Variants in CACNA2D3 observed in about 807,000 individuals in gnomAD.
The protein encoded by CACNA2D3 is calcium voltage-gated channel auxiliary subunit alpha2delta 3, also known as voltage-dependent calcium channel subunit alpha-2/delta-3.
Under a neutral mutation model 160.6 loss-of-function variants are expected in CACNA2D3, and 60 were observed. The observed-to-expected ratio is 0.37, with a 90% CI of 0.30 to 0.46. The LOEUF is 0.46. Ranked by LOEUF, CACNA2D3 falls within the 20% of genes least tolerant of loss-of-function variation. The pLI is 1.00. For synonymous variants in CACNA2D3, 558 were observed against 492.9 expected (o/e 1.13, Z -1.75); for missense variants, 1,205 against 1,365.0 (o/e 0.88, Z 1.85).
chr3:54,830,509 C>T (rs1242346716), intron 14 of CACNA2D3, among the ~76,000 whole-genome samples: 1 of 149,924 alleles, frequency 6.7e-6, no homozygotes, highest in Non-Finnish European at 1.5e-5. Context: ...TGCACAATGG[C>T]ACGATATCGG....
At chr3:54,774,599 CCCAATATTATTTT>C (rs769990237) in intron 13 of CACNA2D3, among the ~76,000 whole-genome samples, 52 of 151,010 alleles carry the variant, frequency 3.4e-4, no homozygotes, top group Non-Finnish European at 6.5e-4. Context: ...AGGGGTTAAT[CCCAATATTATTTT>C]GACTTGCTCT....
chr3:54,979,630 C>T (rs1217869146), intron 29 of CACNA2D3, among the ~76,000 whole-genome samples: 2 of 152,204 alleles, frequency 1.3e-5, no homozygotes, highest in East Asian at 3.9e-4. Context: ...AATATTACTT[C>T]AGTTTTTTAT....
chr3:54,140,646 C>T (rs1180356755), intron 2 of CACNA2D3, among the ~76,000 whole-genome samples: 1 of 152,194 alleles, frequency 6.6e-6, no homozygotes, highest in African/African-American at 2.4e-5. Context: ...AGATCAGTGC[C>T]ACCACTTATT....
At chr3:54,847,570 C>T (rs923924947) in intron 17 of CACNA2D3, among the ~76,000 whole-genome samples, 8 of 152,158 alleles carry the variant, frequency 5.3e-5, no homozygotes, top group Admixed American at 1.3e-4. Context: ...TTGCTCTAAT[C>T]GCCCTGGTAT....
intron 2 of CACNA2D3, among the ~76,000 whole-genome samples, chr3:54,281,348 T>A (rs1261868889): frequency 1.3e-5 from 2 of 152,206 alleles, no homozygotes; most frequent in African/African-American, 4.8e-5. Flanking sequence ...TTTTCCACTG[T>A]GTATCCAGAT....
chr3:54,204,109 C>T (rs1701225901), intron 2 of CACNA2D3, among the ~76,000 whole-genome samples: 1 of 151,966 alleles, frequency 6.6e-6, no homozygotes, highest in African/African-American at 2.4e-5. Context: ...TTCTTTGGCC[C>T]TTGGATTGGG....
At chr3:54,462,484 G>A (rs1277657778) in intron 4 of CACNA2D3, among the ~76,000 whole-genome samples, 1 of 152,188 alleles carries the variant, frequency 6.6e-6, no homozygotes, top group East Asian at 1.9e-4. Context: ...ATATATTTAG[G>A]ATAGTTAGCT....
chr3:54,130,580 T>A (rs1311901387), intron 2 of CACNA2D3, among the ~76,000 whole-genome samples: 1 of 121,758 alleles, frequency 8.2e-6, no homozygotes, highest in East Asian at 3.3e-4. Context: ...AGCAACCTAA[T>A]GAGGTAGGGA....
chr3:54,612,589 A>T (rs1698766200), intron 9 of CACNA2D3, among the ~76,000 whole-genome samples: 1 of 152,190 alleles, frequency 6.6e-6, no homozygotes, highest in African/African-American at 2.4e-5. Flanking sequence ...TGATGGGAAT[A>T]ATGAATTCTT....
intron 2 of CACNA2D3, among the ~76,000 whole-genome samples, chr3:54,275,849 C>G (rs1234456037): frequency 6.6e-6 from 1 of 151,402 alleles, no homozygotes; most frequent in Non-Finnish European, 1.5e-5. Context: ...AACTCCTGAC[C>G]TCAGGTGATC....
At chr3:55,029,126 T>C (rs4505667) in intron 35 of CACNA2D3, among the ~76,000 whole-genome samples, 2,069 of 152,244 alleles carry the variant, frequency 0.014, 45 homozygotes, top group African/African-American at 0.046. Flanking sequence ...CCTGCAGGTG[T>C]TTCTACCAAG....
At chr3:54,524,557 T>C (rs1352836677) in intron 5 of CACNA2D3, among the ~76,000 whole-genome samples, 2 of 152,108 alleles carry the variant, frequency 1.3e-5, no homozygotes, top group African/African-American at 4.8e-5. Context: ...TGCCTAGTTG[T>C]TTTACTCTGT....
intron 11 of CACNA2D3, among the ~76,000 whole-genome samples, chr3:54,696,850 T>C (rs113546564): frequency 1.3e-5 from 2 of 152,352 alleles, no homozygotes; most frequent in African/African-American, 4.8e-5. Flanking sequence ...GTCTCTTGAC[T>C]CTTACAAGTC....
intron 5 of CACNA2D3, among the ~76,000 whole-genome samples, chr3:54,519,578 G>A (rs1442008406): frequency 1.3e-5 from 2 of 152,184 alleles, no homozygotes; most frequent in East Asian, 1.9e-4. Context: ...GCAACACAGC[G>A]GCAATGATAA....
intron 35 of CACNA2D3, among the ~76,000 whole-genome samples, chr3:55,045,248 C>T (rs1215574242): frequency 6.6e-6 from 1 of 152,168 alleles, no homozygotes; most frequent in East Asian, 1.9e-4. Context: ...TGGGGTTTCA[C>T]CATGCTGGCT....
intron 27 of CACNA2D3, among the ~76,000 whole-genome samples, chr3:54,967,601 C>T (rs1244284513): frequency 6.6e-6 from 1 of 152,062 alleles, no homozygotes; most frequent in Non-Finnish European, 1.5e-5. Flanking sequence ...TTCAGTATTC[C>T]CTGTAGTCTC....
intron 13 of CACNA2D3, among the ~76,000 whole-genome samples, chr3:54,813,685 A>G (rs997813229): frequency 2.6e-5 from 4 of 152,036 alleles, no homozygotes; most frequent in African/African-American, 9.7e-5. Flanking sequence ...TCACACGTAC[A>G]TATGGGGAAG....
intron 14 of CACNA2D3, among the ~76,000 whole-genome samples, chr3:54,832,011 T>TCATACACACACACACACACACACA (rs373556430): frequency 1.7e-5 from 2 of 118,954 alleles, no homozygotes; most frequent in East Asian, 2.5e-4. Context: ...CTCTTCTCTG[T>TCATACACACACACACACACACACA]CACACACACA....
intron 2 of CACNA2D3, among the ~76,000 whole-genome samples, chr3:54,184,981 G>A (rs1700855985): frequency 6.6e-6 from 1 of 152,206 alleles, no homozygotes; most frequent in African/African-American, 2.4e-5. Flanking sequence ...GGCGTTGTGT[G>A]ACTACCCCAA....
Sources: allele counts gnomAD v4.1 joint callset (sites outside exome capture counted in the v4.1 genomes callset), GRCh38; gene constraint gnomAD v4.1.1; transcripts MANE v1.5; gene names NCBI Gene and HGNC (gene_info 2026-07-23, HGNC 2026-07-21).